Variants in SLX9 observed in about 807,000 individuals in gnomAD.
SLX9 encodes the protein ribosome biogenesis protein SLX9 homolog.
A neutral mutation model predicts 20.8 loss-of-function variants in SLX9; 19 were observed. The ratio of observed to expected loss-of-function variants is 0.91; its 90% confidence interval spans 0.64 to 1.34. The LOEUF is 1.34. Among genes scored for constraint, SLX9 ranks in the 40% most tolerant of loss-of-function variants. The pLI is 0.00. For missense variants in SLX9, 299 were observed against 322.2 expected (o/e 0.93, Z 0.55); for synonymous variants, 113 against 137.1 (o/e 0.82, Z 1.23).
intron 4 of SLX9, chr21:44,969,346 C>T (rs1239797230): frequency 1.2e-5 from 5 of 405,808 alleles, no homozygotes; most frequent in Non-Finnish European, 2.1e-5. Context: ...GTATCCTTTC[C>T]CTGTTTTCAG....
At chr21:44,962,537 T>C (rs909621273) in intron 3 of SLX9, among the ~76,000 whole-genome samples, 7 of 152,256 alleles carry the variant, frequency 4.6e-5, no homozygotes, top group East Asian at 3.8e-4. Flanking sequence ...AAGTATTTCA[T>C]TGTATGAATA....
intron 4 of SLX9, chr21:44,969,283 G>A (rs576982956): frequency 4.4e-5 from 20 of 451,892 alleles, no homozygotes; most frequent in Non-Finnish European, 7.5e-5. Context: ...CCGGAGTGGC[G>A]ATGTGATGAC....
intron 4 of SLX9, among the ~76,000 whole-genome samples, chr21:44,968,341 A>G (rs2085078739): frequency 1.3e-5 from 2 of 152,120 alleles, no homozygotes; most frequent in African/African-American, 2.4e-5. Context: ...CCATTGAGCC[A>G]TTTGCCAGTG....
chr21:44,950,683 G>A (rs973169890), intron 2 of SLX9, among the ~76,000 whole-genome samples: 3 of 152,224 alleles, frequency 2.0e-5, no homozygotes, highest in African/African-American at 7.2e-5. Flanking sequence ...CCATGGTCAC[G>A]CAGTCACATG....
At position 44,967,129 on chromosome 21, in the gene SLX9, G is replaced by C; in HGVS notation, c.448G>C (p.Ala150Pro). ...VVGDLHPLRD[A>P]LPELLGLEAG... The stretch of plus-strand genomic sequence containing the variant: ...GGGGGACCTGCACCCTCTCAGGGAT[G>C]CCCTGCCCGAGCTGCTGGGGCTCGA... The change falls in exon 4 of 6, where the codon GCC becomes CCC. Residue 150 changes from alanine (A) to proline (P), a missense_variant. Ala to Pro is a conservative substitution (Grantham distance 27). Transcript: ENST00000291634. 3 of 1,607,470 alleles carry C rather than the reference G, an allele frequency of 1.9e-6. No homozygotes were observed. Among genetic ancestry groups the C allele is most frequent in the Non-Finnish European group, 2.5e-6 (3 of 1,177,370 alleles).
chr21:44,969,668 T>C (rs1232220456), intron 4 of SLX9, among the ~76,000 whole-genome samples: 2 of 152,362 alleles, frequency 1.3e-5, no homozygotes, highest in Admixed American at 6.5e-5. Context: ...CGTCCCCGCA[T>C]GCTGTTGCTC....
chr21:44,975,596 G>A (rs2085247162), intron 5 of SLX9, among the ~76,000 whole-genome samples: 1 of 152,382 alleles, frequency 6.6e-6, no homozygotes, highest in Middle Eastern at 3.4e-3. Flanking sequence ...TAAGAACCTG[G>A]CCTGGGCCTT....
At chr21:44,962,047 G>T (rs1219941465) in intron 3 of SLX9, among the ~76,000 whole-genome samples, 2 of 152,178 alleles carry the variant, frequency 1.3e-5, no homozygotes, top group African/African-American at 4.8e-5. Context: ...TCATCTAGCA[G>T]TTTCTGTCCA....
intron 3 of SLX9, among the ~76,000 whole-genome samples, chr21:44,961,474 C>T (rs762551727): frequency 7.9e-5 from 12 of 152,234 alleles, no homozygotes; most frequent in Non-Finnish European, 1.2e-4. Flanking sequence ...CTAGTCCTAG[C>T]GACTTAGGAG....
chr21:44,970,117 C>CCGCTTTGGGAGGAAGT (rs1381814369), intron 4 of SLX9, among the ~76,000 whole-genome samples: 1 of 152,196 alleles, frequency 6.6e-6, no homozygotes, highest in East Asian at 1.9e-4. Context: ...TCCATGCTGT[C>CCGCTTTGGGAGGAAGT]CGCTTTGGGA....
rs1201687268 is a variant in SLX9, at chr21:44,976,798, C to G, written c.688C>G (p.Leu230Val). Residue 230 changes from leucine to valine, a missense_variant, in exon 6 of 6, where the codon CTC (leucine) becomes GTC (valine). Physicochemically the swap from Leu to Val is conservative, Grantham distance 32. Coordinates refer to ENST00000291634, the MANE Select transcript of SLX9 (RefSeq NM_058190.4). ...GATGCAGCTGGAAGATGGCGGCCAG[C>G]TCTGACCAGGGCAGCGGGCATGCCA... is the stretch of plus-strand genomic sequence containing the variant. The part of the protein sequence containing the change: ...RQMQLEDGGQ[L>V] The G allele has an allele frequency of 1.9e-6, 3 of 1,543,478 alleles. No individual in the cohort carries two copies. Among genetic ancestry groups the G allele is most frequent in the Non-Finnish European group, 2.6e-6 (3 of 1,148,400 alleles).
At chr21:44,965,008 T>C (rs540369903) in intron 3 of SLX9, among the ~76,000 whole-genome samples, 2 of 152,366 alleles carry the variant, frequency 1.3e-5, no homozygotes, top group Admixed American at 6.5e-5. Context: ...ATCAGCACTT[T>C]TGCCACGCTG....
intron 2 of SLX9, among the ~76,000 whole-genome samples, chr21:44,950,363 G>A (rs73376601): frequency 0.042 from 6,467 of 152,274 alleles, 515 homozygotes; most frequent in African/African-American, 0.15. Context: ...ACAAACTGAC[G>A]GGGAGGTTAC....
intron 3 of SLX9, among the ~76,000 whole-genome samples, chr21:44,964,513 T>G (rs2084999382): frequency 6.6e-6 from 1 of 152,186 alleles, no homozygotes; most frequent in African/African-American, 2.4e-5. Flanking sequence ...TGCTTTGCTT[T>G]GTTTTGTCCA....
chr21:44,954,747 G>A (rs919941713), intron 2 of SLX9, among the ~76,000 whole-genome samples: 5 of 152,172 alleles, frequency 3.3e-5, no homozygotes, highest in South Asian at 4.1e-4. Flanking sequence ...TACTTTCCTC[G>A]CCACAAACCT....
chr21:44,964,738 A>G (rs183276933), intron 3 of SLX9, among the ~76,000 whole-genome samples: 33 of 152,252 alleles, frequency 2.2e-4, no homozygotes, highest in Admixed American at 7.9e-4. Flanking sequence ...GTCCTCGAAC[A>G]CTCGATATTA....
At chr21:44,965,110 A>G (rs1380001871) in intron 3 of SLX9, among the ~76,000 whole-genome samples, 3 of 152,160 alleles carry the variant, frequency 2.0e-5, no homozygotes, top group Non-Finnish European at 2.9e-5. Flanking sequence ...TACTATTCTT[A>G]TGCATTTAGT....
At chr21:44,947,236 C>T (rs779178934) in intron 2 of SLX9, among the ~76,000 whole-genome samples, 41 of 152,192 alleles carry the variant, frequency 2.7e-4, no homozygotes, top group Non-Finnish European at 4.7e-4. Context: ...GTGACTTGGC[C>T]GCCACCCTTC....
chr21:44,972,167 C>T (rs577982443), intron 4 of SLX9, among the ~76,000 whole-genome samples: 4 of 152,206 alleles, frequency 2.6e-5, no homozygotes, highest in East Asian at 1.9e-4. Context: ...GCCTTCCCGC[C>T]GTCGTCTGGG....
Sources: gnomAD v4.1 joint callset for allele counts (sites outside exome capture counted in the v4.1 genomes callset) on GRCh38, gnomAD v4.1.1 for gene constraint, MANE v1.5 for transcripts, NCBI Gene and HGNC (gene_info 2026-07-23, HGNC 2026-07-21) for gene names.